DSE: variants seen among roughly 807,000 people sequenced by gnomAD.
DSE encodes the protein dermatan-sulfate epimerase.
Under a neutral mutation model 84.4 loss-of-function variants are expected in DSE, and 36 were observed. That is an observed-to-expected ratio of 0.43 (90% CI 0.33 to 0.56). The LOEUF is 0.56. Ranked by LOEUF, DSE falls within the 20% of genes least tolerant of loss-of-function variation. The probability of loss-of-function intolerance (pLI) is 0.06; values close to 1 mark genes in which losing one functional copy is unlikely to be tolerated. For missense variants in DSE, 862 were observed against 1,169.6 expected (o/e 0.74, Z 3.84); for synonymous variants, 410 against 430.1 (o/e 0.95, Z 0.58).
At chr6:116,363,398 T>C (rs1396518106) in intron 2 of DSE, among the ~76,000 whole-genome samples, 1 of 152,042 alleles carries the variant, frequency 6.6e-6, no homozygotes, top group Non-Finnish European at 1.5e-5. Flanking sequence ...TGTGTATATA[T>C]ATATGATAGA....
chr6:116,393,373 G>A (rs1276639813), intron 1 of DSE, among the ~76,000 whole-genome samples: 1 of 152,176 alleles, frequency 6.6e-6, no homozygotes, highest in African/African-American at 2.4e-5. Context: ...CTAATAAGCA[G>A]TATGATCTGG....
intron 2 of DSE, chr6:116,279,317 T>C (rs1284495996): frequency 6.2e-7 from 1 of 1,608,930 alleles, no homozygotes; most frequent in Non-Finnish European, 8.5e-7. Flanking sequence ...ACCTCAGCGC[T>C]CTCCCTCTCA....
intron 2 of DSE, among the ~76,000 whole-genome samples, chr6:116,421,407 C>T (rs1223674147): frequency 7.8e-6 from 1 of 127,768 alleles, no homozygotes; most frequent in Non-Finnish European, 1.6e-5. Flanking sequence ...TTCATATTAA[C>T]ATAAACATAT....
At chr6:116,282,834 A>ATTT (rs1165662849) in intron 2 of DSE, among the ~76,000 whole-genome samples, 5 of 151,284 alleles carry the variant, frequency 3.3e-5, no homozygotes, top group Non-Finnish European at 7.4e-5. Context: ...TTTATGTCCT[A>ATTT]TTTTTTTTTA....
Position 116,440,039 on chromosome 6 carries a change from G to C in DSE, c.*2694G>C, listed in dbSNP as rs1784379150. 2 of 151,728 alleles carry C rather than the reference G, an allele frequency of 1.3e-5. No individual in the cohort carries two copies. Among genetic ancestry groups the C allele is most frequent in the Non-Finnish European group, 2.9e-5 (2 of 67,992 alleles). The allele number at this position is 151,728 out of a possible 1,614,324, so 9.4% of individuals were successfully genotyped here. A position where few individuals can be genotyped will look rare whatever the true frequency, so the allele number is the denominator to read the frequency against. On this transcript the variant is annotated 3_prime_UTR_variant, in exon 6 of 6. Coordinates refer to ENST00000644252, the MANE Select transcript of DSE (RefSeq NM_013352.4). ...GACCTATGGTGGTGGATGAGACCCAGAATTTTCAGAGAGAACATTCTTTTG... is the reference window on the plus strand; with the variant it reads ...GACCTATGGTGGTGGATGAGACCCACAATTTTCAGAGAGAACATTCTTTTG...
chr6:116,420,864 T>C (rs532965592), intron 2 of DSE, among the ~76,000 whole-genome samples: 9 of 152,330 alleles, frequency 5.9e-5, no homozygotes, highest in African/African-American at 1.9e-4. Context: ...CTTTTAATGG[T>C]TATTTAATCA....
chr6:116,316,826 C>CTATTATTATTATTATTATTAT (rs5879374), intron 2 of DSE, among the ~76,000 whole-genome samples: 2,157 of 145,836 alleles, frequency 0.015, 59 homozygotes, highest in African/African-American at 0.052. Context: ...ACTACTACTA[C>CTATTATTATTATTATTATTAT]TATTATTATT....
intron 2 of DSE, among the ~76,000 whole-genome samples, chr6:116,284,541 A>G (rs1189256948): frequency 6.6e-6 from 1 of 152,020 alleles, no homozygotes; most frequent in African/African-American, 2.4e-5. Context: ...TTTAAGTTCT[A>G]GGGTACATGT....
chr6:116,434,142 G>A (rs760196611), intron 5 of DSE, among the ~76,000 whole-genome samples: 3 of 151,880 alleles, frequency 2.0e-5, no homozygotes, highest in South Asian at 2.1e-4. Context: ...TAAAAGGACC[G>A]TATAAATTTT....
At chr6:116,367,714 AAG>A (rs1779245842), upstream of DSE, among the ~76,000 whole-genome samples, 1 of 152,206 alleles carries the variant, frequency 6.6e-6, no homozygotes, top group African/African-American at 2.4e-5. Context: ...TAAGCTTTCA[AAG>A]AGTTAACTGA....
chr6:116,369,823 A>G (rs1779397628), upstream of DSE: 1 of 1,053,840 alleles, frequency 9.5e-7, no homozygotes, highest in Admixed American at 2.6e-5. Flanking sequence ...TTGGCCAAAT[A>G]GAAGTGAGAA....
intron 2 of DSE, among the ~76,000 whole-genome samples, chr6:116,295,864 A>T (rs1774632731): frequency 6.6e-6 from 1 of 152,228 alleles, no homozygotes; most frequent in African/African-American, 2.4e-5. Flanking sequence ...ATTTTTCCAT[A>T]ATCTCATCAG....
chr6:116,443,567 C>G lies in DSE; in HGVS notation c.*6222C>G, dbSNP rs903764397. 2.6e-5 allele frequency: 4 copies of G among 152,050 alleles called. No homozygotes were observed. The highest frequency in any genetic ancestry group is 9.7e-5 in the African/African-American group (4 of 41,380). The allele number at this position is 152,050 out of a possible 1,614,324, so 9.4% of individuals were successfully genotyped here. On this transcript the variant is annotated 3_prime_UTR_variant, in exon 6 of 6. Coordinates refer to ENST00000644252, the MANE Select transcript of DSE (RefSeq NM_013352.4). ...ATTTAATTTAAAAAAGAAATAGTTT[C>G]AATTATATAAGCATTGTGATTAATG...
chr6:116,294,807 C>G (rs191225785), intron 2 of DSE, among the ~76,000 whole-genome samples: 2 of 152,134 alleles, frequency 1.3e-5, no homozygotes, highest in African/African-American at 4.8e-5. Context: ...AATAACAAGT[C>G]TCTCCTCCAA....
intron 2 of DSE, among the ~76,000 whole-genome samples, chr6:116,338,260 T>C (rs1271200014): frequency 6.7e-6 from 1 of 148,826 alleles, no homozygotes; most frequent in African/African-American, 2.5e-5. Flanking sequence ...TTTGCTCTTG[T>C]TGCCCAGGCT....
chr6:116,388,907 GGAA>G (rs775578888), intron 1 of DSE, among the ~76,000 whole-genome samples: 2 of 152,154 alleles, frequency 1.3e-5, no homozygotes, highest in Admixed American at 6.5e-5. Flanking sequence ...CAGTTGAGCA[GGAA>G]GAAGAAGAAA....
rs1361177296 is a variant in DSE at position 116,437,048 on chromosome 6, A to G, written c.2580A>G (p.Leu860=). The G allele has an allele frequency of 9.3e-6, 15 of 1,614,144 alleles. No individual in the cohort carries two copies. The highest frequency in any genetic ancestry group is 1.7e-5 in the Admixed American group (1 of 60,004). The part of the protein sequence containing the change: ...IDEDEEMKDL[L]DFADVTYEKH... ...AAGATGAAGAAATGAAAGACCTTTT[A>G]GATTTTGCAGATGTAACATACGAGA... Residue 860 remains leucine, a synonymous_variant, in exon 6 of 6, where the codon TTA becomes TTG. Coordinates refer to ENST00000644252, the MANE Select transcript of DSE (RefSeq NM_013352.4).
chr6:116,302,923 G>A (rs1179179006), intron 2 of DSE, among the ~76,000 whole-genome samples: 1 of 152,072 alleles, frequency 6.6e-6, no homozygotes, highest in East Asian at 1.9e-4. Flanking sequence ...TCTTGTTTTT[G>A]TCAGGTTTGT....
At chr6:116,343,103 G>A (rs893683822) in intron 2 of DSE, among the ~76,000 whole-genome samples, 7 of 152,300 alleles carry the variant, frequency 4.6e-5, no homozygotes, top group African/African-American at 1.4e-4. Flanking sequence ...CGGGAGGGGC[G>A]TCTGCCATTG....
Sources: allele counts gnomAD v4.1 joint callset (sites outside exome capture counted in the v4.1 genomes callset), GRCh38; gene constraint gnomAD v4.1.1; transcripts MANE v1.5; gene names NCBI Gene and HGNC (gene_info 2026-07-23, HGNC 2026-07-21).